ERN1: variants seen among roughly 807,000 people sequenced by gnomAD.
ERN1 encodes endoplasmic reticulum to nucleus signaling 1.
ERN1 carries 39 observed loss-of-function variants against 113.1 expected under a neutral mutation model. The observed-to-expected ratio is 0.34, with a 90% CI of 0.27 to 0.45. ERN1 has a LOEUF of 0.45. ERN1 is among the 20% of genes least tolerant of loss of function. The pLI, the probability that ERN1 is intolerant of heterozygous loss-of-function variation, is 1.00. For synonymous variants in ERN1, 507 were observed against 515.9 expected (o/e 0.98, Z 0.23); for missense variants, 976 against 1,274.8 (o/e 0.77, Z 3.57).
chr17:64,053,056 G>T, intron 16 of ERN1, 77 bp from the exon 17 acceptor site: 4 of 1,230,792 alleles, frequency 3.2e-6, no homozygotes, highest in Non-Finnish European at 4.6e-6. Flanking sequence ...ATGTGTCCTC[G>T]TCAGACTCCC....
intron 5 of ERN1, 23 bp downstream of exon 5, chr17:64,075,152 T>G: frequency 6.5e-7 from 1 of 1,534,930 alleles, no homozygotes; most frequent in Non-Finnish European, 8.8e-7. Context: ...GAGACACAAG[T>G]TTCTGGAGAC....
intron 1 of ERN1, among the ~76,000 whole-genome samples, chr17:64,118,527 A>T (rs1030554513): frequency 6.6e-6 from 1 of 152,242 alleles, no homozygotes; most frequent in Non-Finnish European, 1.5e-5. Context: ...CTTTCAGGCC[A>T]GGTGCCAAGC....
intron 1 of ERN1, among the ~76,000 whole-genome samples, chr17:64,117,118 AAAAT>A (rs1480175013): frequency 1.3e-5 from 2 of 150,498 alleles, no homozygotes; most frequent in South Asian, 2.1e-4. Flanking sequence ...TCCATCTCAA[AAAAT>A]AAATAAATAA....
At chr17:64,052,653 G>C in intron 17 of ERN1, 127 bp downstream of exon 17, 1 of 760,064 alleles carries the variant, frequency 1.3e-6, no homozygotes, top group Non-Finnish European at 2.0e-6. Flanking sequence ...AGAAGCTCTT[G>C]GTGAAAGGAA....
chr17:64,092,536 C>A (rs2143441737), intron 2 of ERN1, among the ~76,000 whole-genome samples: 1 of 152,240 alleles, frequency 6.6e-6, no homozygotes, highest in East Asian at 1.9e-4. Context: ...CAAGGGACAT[C>A]TCCGGAGTCT....
chr17:64,127,256 T>G (rs577600292), intron 1 of ERN1, among the ~76,000 whole-genome samples: 5 of 152,338 alleles, frequency 3.3e-5, no homozygotes, highest in Middle Eastern at 3.4e-3. Context: ...ATGCAATAGT[T>G]ACTACATCAA....
At position 64,042,748 on chromosome 17, in the gene ERN1, G is replaced by A. The variant is rs984633519; in HGVS notation, c.*1240C>T. Reference sequence around the variant, plus strand: ...ATACTGTTCAATACATTTACATAGTGTTGCTATAATGTTTTACTCTTCAGC... The same window carrying A: ...ATACTGTTCAATACATTTACATAGTATTGCTATAATGTTTTACTCTTCAGC... On this transcript the variant is annotated 3_prime_UTR_variant, in exon 22 of 22. Transcript: ENST00000433197. The A allele has an allele frequency of 6.6e-6, 1 of 152,060 alleles. No individual in the cohort carries two copies. The highest frequency in any genetic ancestry group is 6.5e-5 in the Admixed American group (1 of 15,272). The allele number at this position is 152,060 out of a possible 1,614,324, so 9.4% of individuals were successfully genotyped here.
At chr17:64,051,168 A>AG (rs1476032791) in intron 17 of ERN1, among the ~76,000 whole-genome samples, 15 of 151,936 alleles carry the variant, frequency 9.9e-5, no homozygotes, top group Non-Finnish European at 1.3e-4. Context: ...AAAAAAAAAA[A>AG]AGAGAGAGAG....
chr17:64,088,305 T>C (rs1159962327), intron 2 of ERN1, among the ~76,000 whole-genome samples: 5 of 152,150 alleles, frequency 3.3e-5, no homozygotes, highest in African/African-American at 1.2e-4. Flanking sequence ...CTGACCCCCA[T>C]AACGCAGCAA....
At chr17:64,074,654 T>C (rs1194151939) in intron 5 of ERN1, among the ~76,000 whole-genome samples, 1 of 152,242 alleles carries the variant, frequency 6.6e-6, no homozygotes, top group Non-Finnish European at 1.5e-5. Context: ...GTGTTGCAAA[T>C]GCTTTTTTAT....
chr17:64,099,252 C>T (rs554386960), intron 1 of ERN1, among the ~76,000 whole-genome samples: 1 of 151,370 alleles, frequency 6.6e-6, no homozygotes, highest in South Asian at 2.1e-4. Flanking sequence ...TTGATATCCA[C>T]TGTGGTTACA....
Position 64,054,561 on chromosome 17 carries a change from G to A in ERN1, c.1764-122C>T, listed in dbSNP as rs956846383. ...CCAGCCTAGAGAGCCCCGCCTGACTGCCTGGTGGCCCCGGAATCATCGCTT... is the reference window on the plus strand; with the variant it reads ...CCAGCCTAGAGAGCCCCGCCTGACTACCTGGTGGCCCCGGAATCATCGCTT... On this transcript the variant is annotated intron_variant, in intron 14 of 21. Coordinates refer to ENST00000433197, the MANE Select transcript of ERN1 (RefSeq NM_001433.5). The surrounding 1 kb of genome is among the most constrained non-coding windows in gnomAD (Gnocchi z 4.9). 1 of 1,093,828 alleles carries A rather than the reference G, an allele frequency of 9.1e-7. No homozygotes were observed. The highest frequency in any genetic ancestry group is 1.3e-6 in the Non-Finnish European group (1 of 765,000). 67.8% of individuals were successfully genotyped at this position (1,093,828 alleles called of 1,614,324 possible). A position where few individuals can be genotyped will look rare whatever the true frequency, so the allele number is the denominator to read the frequency against.
rs1598055568 is a variant in ERN1 at position 64,066,330 on chromosome 17, A to G, written c.842+341T>C. Among the ~76,000 whole-genome samples the G allele has an allele frequency of 2.0e-5, 3 of 151,928 alleles. No individual in the cohort carries two copies. The South Asian group carries it at 6.2e-4, about 32-fold the overall frequency. On this transcript the variant is annotated intron_variant, in intron 8 of 21. Coordinates refer to ENST00000433197, the MANE Select transcript of ERN1 (RefSeq NM_001433.5). ...TTTGTGTGTGTGTGGTGGCAGGGGGAGGGTCTTGCCATGTTGCCCAGGTTG... is the reference window on the plus strand; with the variant it reads ...TTTGTGTGTGTGTGGTGGCAGGGGGGGGGTCTTGCCATGTTGCCCAGGTTG...
At chr17:64,073,126 C>T (rs2143392608) in intron 5 of ERN1, among the ~76,000 whole-genome samples, 1 of 151,894 alleles carries the variant, frequency 6.6e-6, no homozygotes, top group Non-Finnish European at 1.5e-5. Context: ...TTGCCTCAGC[C>T]TCCCCATAGT....
At position 64,054,892 on chromosome 17, in the gene ERN1, A is replaced by T; in HGVS notation, c.1673-64T>A. On this transcript the variant is annotated intron_variant, in intron 13 of 21. Coordinates refer to ENST00000433197, the MANE Select transcript of ERN1 (RefSeq NM_001433.5). The surrounding 1 kb of genome is among the most constrained non-coding windows in gnomAD (Gnocchi z 4.9). ...TATCACCTAAAGAACCTTGAGGTTA[A>T]CATAGTGACAAGCTTCCTGACCTCA... The T allele has an allele frequency of 8.2e-7, 1 of 1,221,902 alleles. No homozygotes were observed. Among genetic ancestry groups the T allele is most frequent in the South Asian group, 1.3e-5 (1 of 74,412 alleles). 75.7% of individuals were successfully genotyped at this position (1,221,902 alleles called of 1,614,324 possible).
chr17:64,043,930 G>C lies in ERN1; in HGVS notation c.*58C>G. The C allele has an allele frequency of 8.2e-7, 1 of 1,215,874 alleles. No individual in the cohort carries two copies. Among genetic ancestry groups the C allele is most frequent in the Non-Finnish European group, 1.2e-6 (1 of 848,440 alleles). 75.3% of individuals were successfully genotyped at this position (1,215,874 alleles called of 1,614,324 possible). On this transcript the variant is annotated 3_prime_UTR_variant, in exon 22 of 22. Coordinates refer to ENST00000433197, the MANE Select transcript of ERN1 (RefSeq NM_001433.5). Reference sequence around the variant, plus strand: ...AGCCGGGAGGCATCAAGCTCTAATTGTGGTGACCAGGCCCTCAGTCACAGC... The same window carrying C: ...AGCCGGGAGGCATCAAGCTCTAATTCTGGTGACCAGGCCCTCAGTCACAGC...
intron 11 of ERN1, among the ~76,000 whole-genome samples, chr17:64,058,851 C>A (rs923254556): frequency 6.6e-6 from 1 of 152,072 alleles, no homozygotes; most frequent in Non-Finnish European, 1.5e-5. Flanking sequence ...CCAGGTGTAC[C>A]CCTCTTATTC....
At chr17:64,074,257 TAAG>T (rs925442732) in intron 5 of ERN1, among the ~76,000 whole-genome samples, 1 of 152,192 alleles carries the variant, frequency 6.6e-6, no homozygotes, top group African/African-American at 2.4e-5. Context: ...ACAAAGATGA[TAAG>T]AAGACAATAT....
intron 1 of ERN1, among the ~76,000 whole-genome samples, chr17:64,117,350 C>G (rs551594707): frequency 2.1e-5 from 3 of 145,080 alleles, no homozygotes; most frequent in African/African-American, 7.7e-5. Flanking sequence ...GGCTGAAGCA[C>G]GAAAATCACT....
Sources: gnomAD v4.1 joint callset for allele counts (sites outside exome capture counted in the v4.1 genomes callset) on GRCh38, gnomAD v4.1.1 for gene constraint, Gnocchi (gnomAD v3.1) non-coding constraint, MANE v1.5 for transcripts, NCBI Gene and HGNC (gene_info 2026-07-23, HGNC 2026-07-21) for gene names.